The following HSDL2 variants were observed in gnomAD, a reference collection of about 807,000 sequenced individuals.
HSDL2 encodes hydroxysteroid dehydrogenase like 2, also known as hydroxysteroid dehydrogenase-like protein 2.
A neutral mutation model predicts 46.3 loss-of-function variants in HSDL2; 27 were observed. The observed-to-expected ratio is 0.58, with a 90% CI of 0.43 to 0.80. The LOEUF is 0.80. HSDL2 is among the 30% of genes least tolerant of loss of function. The pLI is 0.00. For missense variants in HSDL2, 451 were observed against 502.7 expected, an observed-to-expected ratio of 0.90 and a Z score of 0.98; for synonymous variants, 153 against 163.6, an observed-to-expected ratio of 0.94 and a Z score of 0.50.
chr9:112,441,197 C>CAAT (rs992474662), intron 7 of HSDL2, among the ~76,000 whole-genome samples: 2 of 151,400 alleles, frequency 1.3e-5, no homozygotes, highest in South Asian at 2.1e-4. Context: ...GACCCTGTGT[C>CAAT]AATAATAATA....
At chr9:112,441,011 AAATAAATAAATAAATAAAT>A (rs1193472756) in intron 7 of HSDL2, among the ~76,000 whole-genome samples, 4 of 150,850 alleles carry the variant, frequency 2.7e-5, no homozygotes, top group Non-Finnish European at 4.4e-5. Context: ...CCGTCTCAAA[AAATAAATAAATAAATAAAT>A]AATAAATAAA....
intron 6 of HSDL2, among the ~76,000 whole-genome samples, chr9:112,434,414 ACCT>A (rs1224837356): frequency 2.0e-5 from 3 of 152,118 alleles, no homozygotes; most frequent in Admixed American, 6.6e-5. Context: ...GTGGCAGCTC[ACCT>A]CCTTCCTGTC....
chr9:112,420,889 G>T (rs556489270), intron 6 of HSDL2, among the ~76,000 whole-genome samples: 27 of 152,012 alleles, frequency 1.8e-4, no homozygotes, highest in Admixed American at 5.2e-4. Flanking sequence ...TTGAAAATCA[G>T]TCAGATTTGC....
chr9:112,428,664 A>G (rs954755600), intron 6 of HSDL2, among the ~76,000 whole-genome samples: 7 of 152,184 alleles, frequency 4.6e-5, no homozygotes, highest in Admixed American at 2.0e-4. Context: ...TGTTTCATAT[A>G]TGAAAATGTT....
intron 1 of HSDL2, 35 bp downstream of exon 1, chr9:112,380,215 GT>G (rs1831050321): frequency 1.3e-6 from 2 of 1,537,296 alleles, no homozygotes; most frequent in East Asian, 5.0e-5. Context: ...GAGAGACCCT[GT>G]CGGGCGAAGG....
intron 10 of HSDL2, among the ~76,000 whole-genome samples, chr9:112,463,284 A>G (rs974427143): frequency 2.0e-5 from 3 of 149,800 alleles, no homozygotes; most frequent in Non-Finnish European, 2.9e-5. Context: ...TTCACTTAAA[A>G]TAAAATAGAG....
At chr9:112,457,423 T>G (rs1308711493) in intron 9 of HSDL2, among the ~76,000 whole-genome samples, 1 of 152,054 alleles carries the variant, frequency 6.6e-6, no homozygotes, top group Non-Finnish European at 1.5e-5. Context: ...GGCCAATCAC[T>G]TGAGCTCAGG....
At chr9:112,467,191 G>C (rs1833418538) in intron 10 of HSDL2, among the ~76,000 whole-genome samples, 1 of 30,804 alleles carries the variant, frequency 3.2e-5, no homozygotes, top group Non-Finnish European at 5.9e-5. Context: ...GGGATGCATG[G>C]ATAAACAAAG....
chr9:112,397,069 C>G (rs1831473825), intron 1 of HSDL2, among the ~76,000 whole-genome samples: 1 of 152,136 alleles, frequency 6.6e-6, no homozygotes, highest in South Asian at 2.1e-4. Flanking sequence ...ACAACAAGGG[C>G]AAACAGTAGC....
intron 6 of HSDL2, among the ~76,000 whole-genome samples, chr9:112,432,406 G>A (rs1293367132): frequency 1.3e-5 from 2 of 152,148 alleles, no homozygotes; most frequent in African/African-American, 2.4e-5. Context: ...GACAGTGTTT[G>A]CTTTGTTTGT....
In HSDL2 at chr9:112,416,790, G is replaced by T. The variant is rs1249049570; in HGVS notation, c.396-51G>T. The T allele has an allele frequency of 3.4e-6, 3 of 890,540 alleles. No homozygotes were observed. In the East Asian group the frequency reaches 7.5e-5, roughly 22 times the overall value. The allele number at this position is 890,540 out of a possible 1,614,324, so 55.2% of individuals were successfully genotyped here. A position where few individuals can be genotyped will look rare whatever the true frequency, so the allele number is the denominator to read the frequency against. The stretch of plus-strand genomic sequence containing the variant: ...CCCCTCTCTTAAAAAAAAAAGTGGA[G>T]AAATTGTTAGAAAGCTATTAAATTT... On this transcript the variant is annotated intron_variant, in intron 4 of 10. Coordinates refer to ENST00000398805, the MANE Select transcript of HSDL2 (RefSeq NM_032303.5).
In HSDL2 at chr9:112,380,177, C is replaced by T; in HGVS notation, c.14C>T (p.Thr5Ile). 6.4e-7 allele frequency: 1 copy of T among 1,574,018 alleles called. No individual in the cohort carries two copies. The highest frequency in any genetic ancestry group is 8.6e-7 in the Non-Finnish European group (1 of 1,159,036). Residue 5 changes from threonine (T) to isoleucine (I), a missense_variant, in exon 1 of 11, where the codon ACC (threonine) becomes ATC (isoleucine). Physicochemically the swap from Thr to Ile is moderately conservative, Grantham distance 89 (BLOSUM62 -1). Coordinates refer to ENST00000398805, the MANE Select transcript of HSDL2 (RefSeq NM_032303.5). MLPN[T>I]GRLAGCTVFI... The stretch of plus-strand genomic sequence containing the variant: ...TCTACGAAAGTCATGTTACCCAACA[C>T]CGGGTAAGGGGGTAGGGGCGGCGCG...
In HSDL2 at chr9:112,416,863, T is replaced by A. The variant is rs781660552; in HGVS notation, c.418T>A (p.Leu140Met). The A allele has an allele frequency of 6.3e-7, 1 of 1,587,848 alleles. No individual in the cohort carries two copies. ...CAGATCTAAAGCATGTATTCCTTAT[T>A]TGAAAAAGAGCAAAGTTGCTCATAT... ...YLASKACIPY[L>M]KKSKVAHILN... The change falls in exon 5 of 11, where the codon TTG (leucine) becomes ATG (methionine). Residue 140 changes from leucine to methionine, a missense_variant. Transcript: ENST00000398805.
intron 1 of HSDL2, among the ~76,000 whole-genome samples, chr9:112,395,407 C>A (rs566979124): frequency 6.6e-6 from 1 of 152,314 alleles, no homozygotes; most frequent in Non-Finnish European, 1.5e-5. Context: ...ATACCCTCTT[C>A]CCCACGTTAT....
Position 112,444,753 on chromosome 9 carries a change from C to T in HSDL2, c.865+2983C>T, listed in dbSNP as rs148713699. Among the ~76,000 whole-genome samples, 329 of 150,690 alleles carry T rather than the reference C, an allele frequency of 2.2e-3. 1 individual carries two copies. Among genetic ancestry groups the T allele is most frequent in the African/African-American group, 7.7e-3 (316 of 40,948 alleles). On this transcript the variant is annotated intron_variant, in intron 8 of 10. Coordinates refer to ENST00000398805, the MANE Select transcript of HSDL2 (RefSeq NM_032303.5). The stretch of plus-strand genomic sequence containing the variant: ...ACCCCTGTCTCAAAAAACAAACAAA[C>T]GAAAATGCAATACCATTATTTCTTC...
intron 2 of HSDL2, 85 bp from the exon 3 acceptor site, chr9:112,405,538 CT>C (rs1831705850): frequency 6.5e-6 from 6 of 920,848 alleles, no homozygotes; most frequent in Non-Finnish European, 1.0e-5. Context: ...AAACAGGGTA[CT>C]TTTTTCTTTT....
At chr9:112,437,973 C>T (rs1377462243) in intron 6 of HSDL2, among the ~76,000 whole-genome samples, 2 of 152,156 alleles carry the variant, frequency 1.3e-5, no homozygotes, top group Non-Finnish European at 2.9e-5. Flanking sequence ...TGGGGCCAGG[C>T]GTGGTGGCTC....
At chr9:112,404,190 C>G (rs1318598759) in intron 2 of HSDL2, 32 bp downstream of exon 2, 1 of 1,601,236 alleles carries the variant, frequency 6.2e-7, no homozygotes, top group East Asian at 2.2e-5. Flanking sequence ...GATAAAATGT[C>G]TTTCTAGTGG....
chr9:112,387,096 A>G (rs1178443054), intron 1 of HSDL2, among the ~76,000 whole-genome samples: 1 of 152,214 alleles, frequency 6.6e-6, no homozygotes, highest in East Asian at 1.9e-4. Flanking sequence ...TGATATTGAG[A>G]AATTATTGTT....
Sources: allele counts gnomAD v4.1 joint callset (sites outside exome capture counted in the v4.1 genomes callset), GRCh38; gene constraint gnomAD v4.1.1; transcripts MANE v1.5; gene names NCBI Gene and HGNC (gene_info 2026-07-23, HGNC 2026-07-21).